Variants in TFG observed in about 807,000 individuals in gnomAD.
TFG encodes the protein protein TFG.
TFG carries 22 observed loss-of-function variants against 51.4 expected under a neutral mutation model. The observed-to-expected ratio is 0.43, with a 90% CI of 0.31 to 0.61. The LOEUF (loss-of-function observed/expected upper bound fraction) is 0.61. TFG is among the 20% of genes least tolerant of loss of function. The pLI is 0.12. For synonymous variants in TFG, 187 were observed against 165.6 expected (o/e 1.13, Z -0.99); for missense variants, 419 against 487.7 (o/e 0.86, Z 1.33).
intron 3 of TFG, among the ~76,000 whole-genome samples, chr3:100,720,939 AT>A (rs958064420): frequency 2.0e-5 from 3 of 151,146 alleles, no homozygotes; most frequent in African/African-American, 4.9e-5. Context: ...CATTAATTTT[AT>A]TTTTTTTTAA....
intron 7 of TFG, among the ~76,000 whole-genome samples, chr3:100,746,774 T>G (rs1182720305): frequency 6.6e-6 from 1 of 152,144 alleles, no homozygotes; most frequent in Non-Finnish European, 1.5e-5. Flanking sequence ...AATTCAGATT[T>G]CAGGTGCCAG....
At chr3:100,736,760 A>T in intron 6 of TFG, 44 bp downstream of exon 6, 3 of 1,586,168 alleles carry the variant, frequency 1.9e-6, no homozygotes, top group Admixed American at 3.5e-5. Flanking sequence ...GTACATGTGT[A>T]GAAGTGTTTA....
chr3:100,746,618 T>C (rs188841493), intron 7 of TFG, among the ~76,000 whole-genome samples: 81 of 151,856 alleles, frequency 5.3e-4, no homozygotes, highest in Admixed American at 4.0e-3. Context: ...ACTATATATA[T>C]ACACACACAC....
intron 7 of TFG, 136 bp downstream of exon 7, chr3:100,745,067 TTTTA>T: frequency 2.3e-6 from 1 of 427,732 alleles, no homozygotes; most frequent in Non-Finnish European, 4.2e-6. Flanking sequence ...ACAACATTTG[TTTTA>T]TTTATTTTTA....
intron 6 of TFG, among the ~76,000 whole-genome samples, chr3:100,737,575 A>G (rs1170181451): frequency 6.6e-6 from 1 of 152,244 alleles, no homozygotes; most frequent in Non-Finnish European, 1.5e-5. Flanking sequence ...TTCCACTTCA[A>G]AACAAACACC....
intron 3 of TFG, among the ~76,000 whole-genome samples, chr3:100,726,357 G>A (rs1301108925): frequency 6.6e-6 from 1 of 152,212 alleles, no homozygotes; most frequent in African/African-American, 2.4e-5. Flanking sequence ...CAACACTGAA[G>A]ATGGGTCTTC....
At chr3:100,724,997 G>A (rs1176097170) in intron 3 of TFG, among the ~76,000 whole-genome samples, 1 of 152,170 alleles carries the variant, frequency 6.6e-6, no homozygotes, top group Non-Finnish European at 1.5e-5. Flanking sequence ...TCCGCCTCCG[G>A]GGCTCACCCC....
chr3:100,729,623 T>C (rs1272197252), intron 4 of TFG, among the ~76,000 whole-genome samples: 1 of 152,130 alleles, frequency 6.6e-6, no homozygotes, highest in Non-Finnish European at 1.5e-5. Flanking sequence ...TTTGTTTGCT[T>C]ATAATTTTCA....
At chr3:100,727,017 A>G (rs1371254478) in intron 3 of TFG, among the ~76,000 whole-genome samples, 1 of 152,242 alleles carries the variant, frequency 6.6e-6, no homozygotes, top group Non-Finnish European at 1.5e-5. Context: ...TAGCCAGGAT[A>G]AAAGGTTGTT....
chr3:100,747,477 A>G (rs1414607192), intron 7 of TFG: 1 of 152,516 alleles, frequency 6.6e-6, no homozygotes, highest in Non-Finnish European at 1.5e-5. Flanking sequence ...GTAGAGATAA[A>G]AGTTTTCAGT....
chr3:100,711,243 C>T (rs1265976347), intron 1 of TFG, among the ~76,000 whole-genome samples: 2 of 152,110 alleles, frequency 1.3e-5, no homozygotes, highest in Non-Finnish European at 2.9e-5. Context: ...TCTGGGATTA[C>T]AGGCGTGCGC....
chr3:100,718,192 A>G (rs1268026416), intron 2 of TFG, among the ~76,000 whole-genome samples: 4 of 152,172 alleles, frequency 2.6e-5, no homozygotes, highest in African/African-American at 9.7e-5. Flanking sequence ...CTGCCAAAGT[A>G]CTGAGATTAC....
At chr3:100,729,915 T>C (rs1326485873) in intron 4 of TFG, among the ~76,000 whole-genome samples, 5 of 152,174 alleles carry the variant, frequency 3.3e-5, no homozygotes, top group African/African-American at 4.8e-5. Flanking sequence ...TGATTATTCC[T>C]AGTTGCACTT....
At chr3:100,724,239 C>T (rs181112569) in intron 3 of TFG, among the ~76,000 whole-genome samples, 73 of 152,032 alleles carry the variant, frequency 4.8e-4, no homozygotes, top group Admixed American at 2.3e-3. Flanking sequence ...TAAGAGCAGA[C>T]GTGAACTAGA....
chr3:100,747,341 CCTT>C (rs1468982986), intron 7 of TFG: 1 of 137,796 alleles, frequency 7.3e-6, no homozygotes, highest in Non-Finnish European at 1.6e-5. Flanking sequence ...TTCATTCAAT[CCTT>C]TTTTTTTTTA....
At chr3:100,739,444 C>G (rs1200993550) in intron 6 of TFG, among the ~76,000 whole-genome samples, 1 of 151,770 alleles carries the variant, frequency 6.6e-6, no homozygotes, top group Non-Finnish European at 1.5e-5. Context: ...AAGCCAGTGC[C>G]TGTTACAGGA....
At position 100,713,907 on chromosome 3, in the gene TFG, T is replaced by TTA. The variant is rs779618813; in HGVS notation, c.184+38_184+39insTA. 6.3e-4 allele frequency: 567 copies of TTA among 897,744 alleles called. 1 individual carries two copies. The highest frequency in any genetic ancestry group is 1.0e-3 in the South Asian group (40 of 38,424). 55.6% of individuals were successfully genotyped at this position (897,744 alleles called of 1,614,324 possible). A position where few individuals can be genotyped will look rare whatever the true frequency, so the allele number is the denominator to read the frequency against. ...TTAAAGCTATTTTTTAAAGTCTTTTTAAAAAAAAAAAAAAAAAGACAGAGC... is the reference window on the plus strand; with the variant it reads ...TTAAAGCTATTTTTTAAAGTCTTTTTTAAAAAAAAAAAAAAAAAAGACAGAGC... On this transcript the variant is annotated intron_variant, in intron 2 of 7. Coordinates refer to ENST00000240851, the MANE Select transcript of TFG (RefSeq NM_006070.6).
intron 5 of TFG, among the ~76,000 whole-genome samples, chr3:100,733,726 T>G (rs1194147434): frequency 6.6e-6 from 1 of 152,182 alleles, no homozygotes. Flanking sequence ...TGACTTGGAC[T>G]TATATTCTTT....
chr3:100,743,940 A>G (rs2095128372), intron 6 of TFG: 1 of 152,200 alleles, frequency 6.6e-6, no homozygotes, highest in Admixed American at 6.5e-5. Flanking sequence ...AGATATTAAA[A>G]TGCAAGGTTA....
Sources: gnomAD v4.1 joint callset for allele counts (sites outside exome capture counted in the v4.1 genomes callset) on GRCh38, gnomAD v4.1.1 for gene constraint, MANE v1.5 for transcripts, NCBI Gene and HGNC (gene_info 2026-07-23, HGNC 2026-07-21) for gene names.